The following DLG2 variants were observed in gnomAD, a reference collection of about 807,000 sequenced individuals.
DLG2 encodes the protein disks large homolog 2.
A neutral mutation model predicts 132.5 loss-of-function variants in DLG2; 45 were observed. The ratio of observed to expected loss-of-function variants is 0.34; its 90% CI spans 0.27 to 0.44. The LOEUF is 0.44. Ranked by LOEUF, DLG2 falls within the 20% of genes least tolerant of loss-of-function variation. The probability of loss-of-function intolerance (pLI) is 1.00; values close to 1 mark genes in which losing one functional copy is unlikely to be tolerated. For missense variants in DLG2, 1,045 were observed against 1,196.9 expected (o/e 0.87, Z 1.87); for synonymous variants, 424 against 419.6 (o/e 1.01, Z -0.13).
At chr11:84,177,712 T>C (rs2096008406) in intron 8 of DLG2, among the ~76,000 whole-genome samples, 1 of 152,192 alleles carries the variant, frequency 6.6e-6, no homozygotes, top group African/African-American at 2.4e-5. Context: ...CTCAGTTTTC[T>C]GATCTGTAAG....
intron 18 of DLG2, among the ~76,000 whole-genome samples, chr11:83,688,297 A>T (rs2080196903): frequency 6.6e-6 from 1 of 152,078 alleles, no homozygotes; most frequent in Admixed American, 6.6e-5. Context: ...GTTGCTTTTG[A>T]CTTGATCCAT....
chr11:84,861,622 A>G (rs2083667185), intron 6 of DLG2, among the ~76,000 whole-genome samples: 2 of 86,210 alleles, frequency 2.3e-5, no homozygotes, highest in Non-Finnish European at 2.4e-5. Flanking sequence ...ACACAGCAAA[A>G]AAAAAAAAAA....
At chr11:83,884,276 G>A (rs987894113) in intron 15 of DLG2, among the ~76,000 whole-genome samples, 7 of 152,172 alleles carry the variant, frequency 4.6e-5, no homozygotes, top group Admixed American at 6.5e-5. Context: ...AAAAAACGGC[G>A]CACCAGGAGA....
At chr11:84,129,554 T>C (rs567625850) in intron 9 of DLG2, among the ~76,000 whole-genome samples, 1 of 152,252 alleles carries the variant, frequency 6.6e-6, no homozygotes, top group East Asian at 1.9e-4. Context: ...GCCTGTCATC[T>C]TGCCTCAAAA....
intron 7 of DLG2, among the ~76,000 whole-genome samples, chr11:84,433,428 G>T (rs763114982): frequency 6.6e-6 from 1 of 152,108 alleles, no homozygotes; most frequent in African/African-American, 2.4e-5. Flanking sequence ...CGTGACAACA[G>T]GCATACAAGT....
chr11:83,942,820 G>A (rs1460417488), intron 14 of DLG2, among the ~76,000 whole-genome samples: 1 of 152,314 alleles, frequency 6.6e-6, no homozygotes, highest in African/African-American at 2.4e-5. Flanking sequence ...GTAACTATGT[G>A]AGGTAATGAA....
intron 3 of DLG2, among the ~76,000 whole-genome samples, chr11:85,414,035 G>T (rs1284113573): frequency 6.6e-6 from 1 of 152,010 alleles, no homozygotes; most frequent in East Asian, 1.9e-4. Context: ...CATGTGCATG[G>T]GATGTGTTTC....
intron 3 of DLG2, among the ~76,000 whole-genome samples, chr11:85,422,569 T>G (rs74537585): frequency 0.068 from 10,368 of 151,792 alleles, 586 homozygotes; most frequent in African/African-American, 0.15. Context: ...TGTCGGGGTT[T>G]CTTTGTTTCT....
chr11:83,774,843 C>T (rs1262973325), intron 18 of DLG2, among the ~76,000 whole-genome samples: 1 of 152,106 alleles, frequency 6.6e-6, no homozygotes, highest in Non-Finnish European at 1.5e-5. Context: ...AATATGATTA[C>T]CCCTACATTC....
In DLG2 at chr11:83,653,664, T is replaced by A. The variant is rs544876760; in HGVS notation, c.1826-20339A>T. On this transcript the variant is annotated intron_variant, in intron 18 of 27. Coordinates refer to ENST00000376104, the MANE Select transcript of DLG2 (RefSeq NM_001142699.3). ...GAAATACATACATTTTGTCTGTTGA[T>A]AAAGTGACCGCACATGTCCAAGGAG... Among the ~76,000 whole-genome samples the A allele has an allele frequency of 5.2e-4, 79 of 152,332 alleles. 1 individual carries two copies. The highest frequency in any genetic ancestry group is 1.8e-3 in the African/African-American group (74 of 41,574).
intron 6 of DLG2, among the ~76,000 whole-genome samples, chr11:84,960,504 C>T (rs1471205613): frequency 7.9e-5 from 12 of 151,080 alleles, no homozygotes; most frequent in South Asian, 4.2e-4. Context: ...GGCGCAATCT[C>T]GGCTCACTGC....
intron 18 of DLG2, among the ~76,000 whole-genome samples, chr11:83,757,328 A>G (rs547423287): frequency 3.2e-4 from 49 of 152,320 alleles, no homozygotes; most frequent in African/African-American, 1.1e-3. Context: ...TATATTTCAA[A>G]CAATTTAAAT....
rs182790278 is a variant in DLG2, at chr11:84,835,345, G to C, written c.357+276316C>G. ...CCTACATTTTAATCTTCCTGTGTTT[G>C]CTTTATGATAGATGCAAATTTGGGT... On this transcript the variant is annotated intron_variant, in intron 6 of 27. Transcript: ENST00000376104. Among the ~76,000 whole-genome samples the C allele has an allele frequency of 6.6e-5, 10 of 151,700 alleles. No individual in the cohort carries two copies. In the South Asian group the frequency reaches 2.1e-3, roughly 31 times the overall value.
At chr11:84,469,872 G>A (rs1464538583) in intron 7 of DLG2, among the ~76,000 whole-genome samples, 1 of 151,664 alleles carries the variant, frequency 6.6e-6, no homozygotes, top group African/African-American at 2.4e-5. Context: ...AGAAATGTGT[G>A]TTAGGTGATT....
intron 3 of DLG2, among the ~76,000 whole-genome samples, chr11:85,460,860 G>A (rs1177635544): frequency 6.6e-6 from 1 of 152,186 alleles, no homozygotes; most frequent in Non-Finnish European, 1.5e-5. Flanking sequence ...TATTTGTGAG[G>A]TTTATGTTTG....
chr11:85,617,562 G>A (rs922236126), intron 2 of DLG2, among the ~76,000 whole-genome samples: 3 of 152,150 alleles, frequency 2.0e-5, no homozygotes, highest in Non-Finnish European at 4.4e-5. Context: ...ACTATGCCTG[G>A]CACATAGCAG....
At chr11:84,070,415 C>A (rs115919499) in intron 10 of DLG2, among the ~76,000 whole-genome samples, 2,132 of 152,256 alleles carry the variant, frequency 0.014, 48 homozygotes, top group African/African-American at 0.049. Flanking sequence ...GTCCCAATTG[C>A]AAATACATGG....
At chr11:84,191,132 T>C (rs2096399938) in intron 8 of DLG2, among the ~76,000 whole-genome samples, 3 of 152,212 alleles carry the variant, frequency 2.0e-5, no homozygotes, top group Admixed American at 6.5e-5. Context: ...CTACCAAATG[T>C]GCAATCTGGA....
intron 3 of DLG2, among the ~76,000 whole-genome samples, chr11:85,487,300 C>T (rs574334900): frequency 2.6e-5 from 4 of 151,352 alleles, no homozygotes; most frequent in Admixed American, 6.6e-5. Flanking sequence ...CACAACAATT[C>T]CCTGAAATAA....
Sources: allele counts gnomAD v4.1 joint callset (sites outside exome capture counted in the v4.1 genomes callset), GRCh38; gene constraint gnomAD v4.1.1; transcripts MANE v1.5; gene names NCBI Gene and HGNC (gene_info 2026-07-23, HGNC 2026-07-21).